KCNT2: variants seen among roughly 807,000 people sequenced by gnomAD.
The protein encoded by KCNT2 is potassium channel subfamily T member 2.
A neutral mutation model predicts 153.8 loss-of-function variants in KCNT2; 67 were observed. The ratio of observed to expected loss-of-function variants is 0.44; its 90% CI spans 0.36 to 0.53. The LOEUF (loss-of-function observed/expected upper bound fraction) is 0.53, where lower values mean the gene tolerates loss of function less well. Among genes scored for constraint, KCNT2 ranks in the 20% least tolerant of loss-of-function variants. The pLI, the probability that KCNT2 is intolerant of heterozygous loss-of-function variation, is 0.00. For synonymous variants in KCNT2, 500 were observed against 458.8 expected (o/e 1.09, Z -1.15); for missense variants, 975 against 1,354.8 (o/e 0.72, Z 4.40).
chr1:196,305,162 T>TA, intron 22 of KCNT2, 72 bp downstream of exon 22: 1 of 871,476 alleles, frequency 1.1e-6, no homozygotes, highest in Non-Finnish European at 1.9e-6. Context: ...GGCATTTTTT[T>TA]TATATATTTA....
intron 19 of KCNT2, among the ~76,000 whole-genome samples, chr1:196,320,534 G>C (rs1226997698): frequency 6.6e-6 from 1 of 151,758 alleles, no homozygotes; most frequent in Non-Finnish European, 1.5e-5. Context: ...ATTAGTAGGA[G>C]TTTGTTCAGC....
At chr1:196,311,886 C>G (rs1017089424) in intron 21 of KCNT2, among the ~76,000 whole-genome samples, 5 of 151,816 alleles carry the variant, frequency 3.3e-5, no homozygotes, top group African/African-American at 1.2e-4. Flanking sequence ...ATCAATTTGA[C>G]ATAGACTTTT....
At chr1:196,471,210 A>G (rs534771929) in intron 5 of KCNT2, among the ~76,000 whole-genome samples, 5 of 151,950 alleles carry the variant, frequency 3.3e-5, no homozygotes, top group East Asian at 3.9e-4. Context: ...CCCGGCCCCT[A>G]ATTTCTTAAA....
chr1:196,435,157 A>ATG (rs1180577539), intron 8 of KCNT2, among the ~76,000 whole-genome samples: 4 of 113,916 alleles, frequency 3.5e-5, no homozygotes, highest in Non-Finnish European at 8.2e-5. Context: ...ATATATATAT[A>ATG]TATATATATA....
chr1:196,275,920 T>C (rs1176416188), intron 25 of KCNT2, among the ~76,000 whole-genome samples: 12 of 152,026 alleles, frequency 7.9e-5, no homozygotes, highest in Admixed American at 7.9e-4. Context: ...TATACATGCA[T>C]GGTTTGAACA....
intron 16 of KCNT2, among the ~76,000 whole-genome samples, chr1:196,340,045 CTTTTT>C (rs1665466197): frequency 6.6e-6 from 1 of 151,804 alleles, no homozygotes; most frequent in Admixed American, 6.6e-5. Context: ...GACACAGAGT[CTTTTT>C]CTGTTGCCCA....
chr1:196,236,321 T>C (rs1654433588), intron 26 of KCNT2, among the ~76,000 whole-genome samples: 1 of 151,468 alleles, frequency 6.6e-6, no homozygotes, highest in Non-Finnish European at 1.5e-5. Flanking sequence ...ATAATCACAG[T>C]TATAGTTTAC....
chr1:196,273,480 T>TAA, intron 25 of KCNT2: 1 of 1,530,886 alleles, frequency 6.5e-7, no homozygotes, highest in Non-Finnish European at 8.7e-7. Context: ...GTGATGCTAT[T>TAA]TTTCGAGACT....
At chr1:196,557,424 G>A (rs1658826682) in intron 1 of KCNT2, among the ~76,000 whole-genome samples, 1 of 151,164 alleles carries the variant, frequency 6.6e-6, no homozygotes, top group Non-Finnish European at 1.5e-5. Flanking sequence ...CATAGCAAAT[G>A]CCATCATATC....
chr1:196,246,539 C>A (rs547852730), intron 26 of KCNT2, among the ~76,000 whole-genome samples: 1 of 151,780 alleles, frequency 6.6e-6, no homozygotes, highest in African/African-American at 2.4e-5. Context: ...ATAAACTGAT[C>A]AAAAATAATA....
At chr1:196,331,984 CTAAAACGTAGCAGCA>C (rs1319729384) in intron 17 of KCNT2, among the ~76,000 whole-genome samples, 1 of 152,030 alleles carries the variant, frequency 6.6e-6, no homozygotes, top group East Asian at 1.9e-4. Flanking sequence ...AATGAAACTT[CTAAAACGTAGCAGCA>C]TAAATGAAAA....
intron 1 of KCNT2, among the ~76,000 whole-genome samples, chr1:196,557,678 T>C (rs141753430): frequency 1.6e-4 from 24 of 151,322 alleles, no homozygotes; most frequent in Non-Finnish European, 3.4e-4. Flanking sequence ...GAGCATCTAA[T>C]CTCATCAAAG....
intron 12 of KCNT2, among the ~76,000 whole-genome samples, chr1:196,407,345 C>T (rs1169891659): frequency 3.3e-5 from 5 of 151,474 alleles, no homozygotes; most frequent in African/African-American, 1.2e-4. Context: ...GGATGTACAT[C>T]TGTCAAAAAT....
At chr1:196,432,156 G>C (rs1674211187) in intron 8 of KCNT2, among the ~76,000 whole-genome samples, 1 of 152,132 alleles carries the variant, frequency 6.6e-6, no homozygotes, top group South Asian at 2.1e-4. Context: ...ATGGAAGTCA[G>C]AGGTGGTAAA....
chr1:196,565,403 A>G (rs1659985081), intron 1 of KCNT2, among the ~76,000 whole-genome samples: 1 of 151,700 alleles, frequency 6.6e-6, no homozygotes, highest in African/African-American at 2.4e-5. Flanking sequence ...AAAAATAAAA[A>G]AATAGAACTG....
intron 1 of KCNT2, among the ~76,000 whole-genome samples, chr1:196,570,067 T>TAAAAAAAAAAAAAAAAAAAAAAAAAA (rs199836975): frequency 7.5e-6 from 1 of 133,706 alleles, no homozygotes; most frequent in African/African-American, 3.6e-5. Flanking sequence ...TGAGCTAGAG[T>TAAAAAAAAAAAAAAAAAAAAAAAAAA]AAAAAAAAAA....
At chr1:196,354,878 A>G (rs1457711253) in intron 14 of KCNT2, among the ~76,000 whole-genome samples, 2 of 151,744 alleles carry the variant, frequency 1.3e-5, no homozygotes, top group Non-Finnish European at 2.9e-5. Flanking sequence ...TTATTTCACA[A>G]TTATTGCAAA....
chr1:196,376,563 A>T (rs12122240), intron 13 of KCNT2, among the ~76,000 whole-genome samples: 36 of 151,882 alleles, frequency 2.4e-4, no homozygotes, highest in Admixed American at 9.9e-4. Flanking sequence ...GTGGACTGTT[A>T]TTCAAACTCT....
intron 8 of KCNT2, among the ~76,000 whole-genome samples, chr1:196,455,480 A>G (rs1436181457): frequency 6.6e-6 from 1 of 151,866 alleles, no homozygotes; most frequent in African/African-American, 2.4e-5. Flanking sequence ...CTAATATTTT[A>G]ATCTCTAGAC....
Sources: allele counts gnomAD v4.1 joint callset (sites outside exome capture counted in the v4.1 genomes callset), GRCh38; gene constraint gnomAD v4.1.1; transcripts MANE v1.5; gene names NCBI Gene and HGNC (gene_info 2026-07-23, HGNC 2026-07-21).